Variants in CD79B observed in about 807,000 individuals in gnomAD.
The protein encoded by CD79B is CD79b molecule.
CD79B carries 7 observed loss-of-function variants against 30.0 expected under a neutral mutation model. That is an observed-to-expected ratio of 0.23 (90% CI 0.13 to 0.44). The LOEUF (loss-of-function observed/expected upper bound fraction) is 0.44, where lower values mean the gene tolerates loss of function less well. CD79B is among the 20% of genes least tolerant of loss of function. The pLI is 1.00. For synonymous variants in CD79B, 118 were observed against 119.2 expected, an observed-to-expected ratio of 0.99 and a Z score of 0.07; for missense variants, 218 against 299.1, an observed-to-expected ratio of 0.73 and a Z score of 2.00.
chr17:63,931,784 G>T (rs1228347496), intron 1 of CD79B: 1 of 350,990 alleles, frequency 2.8e-6, no homozygotes, highest in South Asian at 3.2e-5. Flanking sequence ...GAAAGTCACA[G>T]CCCGGAGGAT....
At chr17:63,931,202 G>T in intron 2 of CD79B, 133 bp downstream of exon 2, 1 of 861,804 alleles carries the variant, frequency 1.2e-6, no homozygotes, top group Admixed American at 1.8e-5. Context: ...AGGAGGCCTG[G>T]GGATGGGAAT....
chr17:63,931,948 T>G, intron 1 of CD79B: 1 of 581,908 alleles, frequency 1.7e-6, no homozygotes, highest in Non-Finnish European at 3.1e-6. Context: ...TAACTCTGGT[T>G]TGCTCCTCAT....
chr17:63,932,137 G>A (rs879200761), intron 1 of CD79B, 58 bp downstream of exon 1: 3 of 1,470,912 alleles, frequency 2.0e-6, no homozygotes, highest in South Asian at 1.1e-5. Flanking sequence ...CAGAGCCGCA[G>A]GGCCCAGACA....
At chr17:63,930,796 C>T (rs1218154807) in intron 2 of CD79B, among the ~76,000 whole-genome samples, 1 of 151,838 alleles carries the variant, frequency 6.6e-6, no homozygotes, top group Non-Finnish European at 1.5e-5. Context: ...CCCGTTCCTC[C>T]AGGGATAAAG....
chr17:63,932,305 A>G lies in CD79B; in HGVS notation c.-44T>C. ...GACCCCAAACCCGTGACAACGTCCG[A>G]GGCTCCTTGGAGGAAAACGTGTAAC... is the stretch of plus-strand genomic sequence containing the variant. On this transcript the variant is annotated 5_prime_UTR_variant, in exon 1 of 6. Coordinates refer to ENST00000006750, the MANE Select transcript of CD79B (RefSeq NM_000626.4). 6.3e-7 allele frequency: 1 copy of G among 1,584,900 alleles called. No individual in the cohort carries two copies. The highest frequency in any genetic ancestry group is 8.6e-7 in the Non-Finnish European group (1 of 1,160,202).
rs751899771 is a variant in CD79B, at chr17:63,932,229, G to A, written c.33C>T (p.Ser11=). Residue 11 remains serine (S), a synonymous_variant, in exon 1 of 6, where the codon AGC becomes AGT. Coordinates refer to ENST00000006750, the MANE Select transcript of CD79B (RefSeq NM_000626.4). ...GCAGCAGCAACGCCACCATCCAGTG[G>A]CTGGGCACAGGAGACAACGCCAGCC... MARLALSPVP[S]HWMVALLLLL... 5 of 1,613,116 alleles carry A rather than the reference G, an allele frequency of 3.1e-6. No homozygotes were observed. Among genetic ancestry groups the A allele is most frequent in the Non-Finnish European group, 4.2e-6 (5 of 1,179,982 alleles).
chr17:63,930,197 A>C lies in CD79B; in HGVS notation c.307T>G (p.Ser103Ala). Residue 103 changes from serine to alanine, a missense_variant, in exon 3 of 6, where the codon TCT becomes GCT. Coordinates refer to ENST00000006750, the MANE Select transcript of CD79B (RefSeq NM_000626.4). ...KGRMEESQNESLATLTIQGIR... is the reference protein window; with the variant it reads ...KGRMEESQNEALATLTIQGIR... The stretch of plus-strand genomic sequence containing the variant: ...CCTTGGATGGTGAGGGTGGCGAGAG[A>C]TTCGTTCTGGGACTCTTCCATGCGG... 6.2e-7 allele frequency: 1 copy of C among 1,614,132 alleles called. No homozygotes were observed. Among genetic ancestry groups the C allele is most frequent in the Admixed American group, 1.7e-5 (1 of 60,018 alleles).
Position 63,930,066 on chromosome 17 carries a change from G to A in CD79B, c.430+8C>T, listed in dbSNP as rs780195935. 2 of 1,613,282 alleles carry A rather than the reference G, an allele frequency of 1.2e-6. No individual in the cohort carries two copies. The highest frequency in any genetic ancestry group is 2.2e-5 in the East Asian group (1 of 44,876). On this transcript the variant is annotated splice_region_variant and intron_variant, in intron 3 of 5. Coordinates refer to ENST00000006750, the MANE Select transcript of CD79B (RefSeq NM_000626.4). ...GCTACAGGAGCGTCCCAGCCACCTG[G>A]CACACACCCATGACTCGCAGCTCTG...
At chr17:63,929,605 G>A in intron 4 of CD79B, 130 bp from the exon 5 acceptor site, 1 of 1,061,684 alleles carries the variant, frequency 9.4e-7, no homozygotes, top group Non-Finnish European at 1.4e-6. Context: ...AAGAACAGCT[G>A]AATGAAGGAA....
Position 63,929,266 on chromosome 17 carries a change from TC to T in CD79B, c.649del (p.Glu217LysfsTer2). On this transcript the variant is annotated frameshift_variant, in exon 6 of 6. Transcript: ENST00000006750. LOFTEE classifies it high-confidence loss of function. ...GTGCTCACCTACAGACCACTTCACTTCCCCTGTCCGCAGCGTCACTATGTCC... is the reference window on the plus strand; with the variant it reads ...GTGCTCACCTACAGACCACTTCACTTCCCTGTCCGCAGCGTCACTATGTCC... The part of the protein sequence containing the change: ...YEDIVTLRTG[E>X]VKWSVGEHPG... 6.2e-7 allele frequency: 1 copy of T among 1,613,908 alleles called. No homozygotes were observed. Among genetic ancestry groups the T allele is most frequent in the Non-Finnish European group, 8.5e-7 (1 of 1,179,924 alleles).
rs776709325 is a variant in CD79B, at chr17:63,931,380, G to A, written c.73C>T (p.Pro25Ser). ...VALLLLLSAE[P>S]VPAARSEDRY... Reference sequence around the variant, plus strand: ...TCCTCCGATCTGGCTGCTGGTACTGGCTCAGCTGCTGGGTGGGAGGAAGTG... The same window carrying A: ...TCCTCCGATCTGGCTGCTGGTACTGACTCAGCTGCTGGGTGGGAGGAAGTG... Residue 25 changes from proline to serine, a missense_variant, in exon 2 of 6, where the codon CCA (proline) becomes TCA (serine). Pro to Ser is a moderately conservative substitution (Grantham distance 74). Transcript: ENST00000006750. 1.4e-5 allele frequency: 23 copies of A among 1,613,926 alleles called. No homozygotes were observed. In the South Asian group the frequency reaches 2.5e-4, roughly 18 times the overall value.
At chr17:63,930,497 T>C (rs1188364873) in intron 2 of CD79B, 112 bp from the exon 3 acceptor site, 1 of 988,468 alleles carries the variant, frequency 1.0e-6, no homozygotes, top group African/African-American at 1.6e-5. Context: ...TAGTCCTTGC[T>C]TCTCAGGGTG....
At position 63,929,637 on chromosome 17, in the gene CD79B, T is replaced by C. The variant is rs9893518; in HGVS notation, c.549+133A>G. ...GGAAGGAAGGAAGGAATGATTGAATTGGTGAGCCAGTGGGGACAGGCTGGA... is the reference window on the plus strand; with the variant it reads ...GGAAGGAAGGAAGGAATGATTGAATCGGTGAGCCAGTGGGGACAGGCTGGA... On this transcript the variant is annotated intron_variant, in intron 4 of 5. Coordinates refer to ENST00000006750, the MANE Select transcript of CD79B (RefSeq NM_000626.4). 0.23 allele frequency: 220,425 copies of C among 955,006 alleles called. 27,865 individuals are homozygous for C. The highest frequency in any genetic ancestry group is 0.33 in the African/African-American group (20,514 of 61,910). The allele number at this position is 955,006 out of a possible 1,614,324, so 59.2% of individuals were successfully genotyped here. A position where few individuals can be genotyped will look rare whatever the true frequency, so the allele number is the denominator to read the frequency against.
At chr17:63,930,968 C>T (rs1370380362) in intron 2 of CD79B, 1 of 362,132 alleles carries the variant, frequency 2.8e-6, no homozygotes, top group South Asian at 2.6e-5. Context: ...TGAGCACTGC[C>T]CGGGAATCCC....
At chr17:63,932,094 G>T in intron 1 of CD79B, 101 bp downstream of exon 1, 1 of 1,050,306 alleles carries the variant, frequency 9.5e-7, no homozygotes. Flanking sequence ...TAAAGAGTGA[G>T]AGACAGAGGA....
In CD79B at chr17:63,929,193, A is replaced by G; in HGVS notation, c.*33T>C. On this transcript the variant is annotated 3_prime_UTR_variant, in exon 6 of 6. Coordinates refer to ENST00000006750, the MANE Select transcript of CD79B (RefSeq NM_000626.4). Reference sequence around the variant, plus strand: ...TCCGAAGCAGTCACTGAGGCCAGGGAGCCTGCACCCAGGTCATGGGGCGAC... The same window carrying G: ...TCCGAAGCAGTCACTGAGGCCAGGGGGCCTGCACCCAGGTCATGGGGCGAC... The G allele has an allele frequency of 7.2e-7, 1 of 1,392,752 alleles. No homozygotes were observed. The allele number at this position is 1,392,752 out of a possible 1,614,324, so 86.3% of individuals were successfully genotyped here. A position where few individuals can be genotyped will look rare whatever the true frequency, so the allele number is the denominator to read the frequency against.
At chr17:63,931,850 G>A (rs1908149745) in intron 1 of CD79B, 2 of 451,114 alleles carry the variant, frequency 4.4e-6, no homozygotes, top group Middle Eastern at 6.4e-4. Flanking sequence ...CCAGGGTCCG[G>A]TTGGGACAGC....
Position 63,929,797 on chromosome 17 carries a change from G to A in CD79B, c.522C>T (p.Ile174=), listed in dbSNP as rs115099162. Reference sequence around the variant, plus strand: ...TGTCCAGCAGCAGGAAGATAGGCACGATGATGAAGAGGATGATCAGCAGCG... The same window carrying A: ...TGTCCAGCAGCAGGAAGATAGGCACAATGATGAAGAGGATGATCAGCAGCG... ...IQTLLIILFI[I]VPIFLLLDKD... The change falls in exon 4 of 6, where the codon ATC becomes ATT. Residue 174 remains isoleucine (I), a synonymous_variant. Transcript: ENST00000006750. 16 of 1,611,834 alleles carry A rather than the reference G, an allele frequency of 9.9e-6. No homozygotes were observed. In the East Asian group the frequency reaches 2.7e-4, roughly 27 times the overall value.
chr17:63,929,483 C>T lies in CD79B; in HGVS notation c.550-8G>A, dbSNP rs202115514. Reference sequence around the variant, plus strand: ...GCCAGCCTTGCTGTCATCCTGGGGGCGGAGAGGGATGGAGATCAGAGTGTT... The same window carrying T: ...GCCAGCCTTGCTGTCATCCTGGGGGTGGAGAGGGATGGAGATCAGAGTGTT... On this transcript the variant is annotated splice_polypyrimidine_tract_variant and splice_region_variant and intron_variant, in intron 4 of 5. Transcript: ENST00000006750. 175 of 1,613,736 alleles carry T rather than the reference C, an allele frequency of 1.1e-4. No homozygotes were observed. In the East Asian group the frequency reaches 1.3e-3, roughly 12 times the overall value.
Sources: gnomAD v4.1 joint callset for allele counts (sites outside exome capture counted in the v4.1 genomes callset) on GRCh38, gnomAD v4.1.1 for gene constraint, MANE v1.5 for transcripts, NCBI Gene and HGNC (gene_info 2026-07-23, HGNC 2026-07-21) for gene names.